Variants in CPNE4 observed in about 807,000 individuals in gnomAD.
CPNE4 encodes the protein copine 4.
A neutral mutation model predicts 67.9 loss-of-function variants in CPNE4; 25 were observed. The ratio of observed to expected loss-of-function variants is 0.37; its 90% CI spans 0.27 to 0.51. The LOEUF (loss-of-function observed/expected upper bound fraction) is 0.51. Among genes scored for constraint, CPNE4 ranks in the 20% least tolerant of loss-of-function variants. CPNE4 has a pLI of 0.93. For synonymous variants in CPNE4, 242 were observed against 244.9 expected (o/e 0.99, Z 0.11); for missense variants, 464 against 690.8 (o/e 0.67, Z 3.68).
At chr3:131,727,349 C>A (rs1560192151) in intron 2 of CPNE4, among the ~76,000 whole-genome samples, 1 of 152,036 alleles carries the variant, frequency 6.6e-6, no homozygotes, top group Non-Finnish European at 1.5e-5. Flanking sequence ...AATCCCAGCA[C>A]TTTTGGAGGC....
At chr3:131,718,866 C>A (rs758968071) in intron 3 of CPNE4, among the ~76,000 whole-genome samples, 5 of 152,134 alleles carry the variant, frequency 3.3e-5, no homozygotes, top group Non-Finnish European at 7.4e-5. Flanking sequence ...GCTTGGCATG[C>A]AATTGCTATG....
In CPNE4 at chr3:131,708,995, T is replaced by TATATATATAC. The variant is rs1366246304; in HGVS notation, c.361-9016_361-9015insGTATATATAT. Among the ~76,000 whole-genome samples, 1,072 of 108,930 alleles carry TATATATATAC rather than the reference T, an allele frequency of 9.8e-3. 38 individuals are homozygous for TATATATATAC. Among genetic ancestry groups the TATATATATAC allele is most frequent in the Non-Finnish European group, 0.014 (786 of 54,312 alleles). 71.5% of individuals were successfully genotyped at this position (108,930 alleles called of 152,430 possible). ...ATATATATATATATATATATATATATACATACACACATAATAATATAATAC... is the reference window on the plus strand; with the variant it reads ...ATATATATATATATATATATATATATATATATATACACATACACACATAATAATATAATAC... On this transcript the variant is annotated intron_variant, in intron 3 of 15. Transcript: ENST00000429747.
chr3:131,608,205 T>C (rs567925039), intron 7 of CPNE4, among the ~76,000 whole-genome samples: 2 of 152,266 alleles, frequency 1.3e-5, no homozygotes, highest in East Asian at 3.9e-4. Flanking sequence ...ACCGGTAATA[T>C]GGAAATGAAA....
chr3:131,564,125 C>T (rs901756822), intron 11 of CPNE4, 91 bp downstream of exon 11: 43 of 1,505,408 alleles, frequency 2.9e-5, no homozygotes, highest in Middle Eastern at 3.6e-4. Flanking sequence ...AGCTACTAGA[C>T]TTAATTTCCA....
intron 1 of CPNE4, among the ~76,000 whole-genome samples, chr3:132,015,271 C>A (rs925650434): frequency 6.6e-6 from 1 of 152,074 alleles, no homozygotes; most frequent in Non-Finnish European, 1.5e-5. Context: ...ATTTATAACA[C>A]AGAGAGTTAA....
At chr3:131,544,316 G>A (rs549232086) in intron 14 of CPNE4, among the ~76,000 whole-genome samples, 1 of 152,150 alleles carries the variant, frequency 6.6e-6, no homozygotes, top group African/African-American at 2.4e-5. Flanking sequence ...AAATAGTTTG[G>A]TAGTACTAAA....
intron 1 of CPNE4, among the ~76,000 whole-genome samples, chr3:131,932,777 G>A (rs1041730606): frequency 6.6e-6 from 1 of 151,918 alleles, no homozygotes; most frequent in Non-Finnish European, 1.5e-5. Context: ...GCATGCACTG[G>A]GAGGCCAAGG....
chr3:131,571,127 C>A (rs1260003246), intron 10 of CPNE4, among the ~76,000 whole-genome samples: 1 of 152,028 alleles, frequency 6.6e-6, no homozygotes, highest in East Asian at 1.9e-4. Context: ...TGTTGTTCTT[C>A]ACCCTCTGAC....
intron 2 of CPNE4, among the ~76,000 whole-genome samples, chr3:131,874,406 A>G (rs1490887398): frequency 6.6e-6 from 1 of 152,058 alleles, no homozygotes; most frequent in Non-Finnish European, 1.5e-5. Context: ...TTCTTTGACA[A>G]ATATTTAGTG....
chr3:131,864,761 G>A (rs1161062808), intron 2 of CPNE4, among the ~76,000 whole-genome samples: 2 of 152,030 alleles, frequency 1.3e-5, no homozygotes, highest in African/African-American at 4.8e-5. Context: ...GGAGTGGTGA[G>A]AGGGGGCATC....
At chr3:131,557,118 C>T (rs1172144050) in intron 11 of CPNE4, among the ~76,000 whole-genome samples, 3 of 152,084 alleles carry the variant, frequency 2.0e-5, no homozygotes, top group South Asian at 2.1e-4. Flanking sequence ...AGTAATCTGG[C>T]CCCCTGCCTA....
intron 13 of CPNE4, among the ~76,000 whole-genome samples, chr3:131,552,147 C>A (rs1936215758): frequency 1.3e-5 from 2 of 150,870 alleles, no homozygotes; most frequent in South Asian, 4.2e-4. Context: ...GGTGAAGTTT[C>A]ATTTATTATT....
intron 1 of CPNE4, among the ~76,000 whole-genome samples, chr3:131,960,120 T>TGGAGAGGGAGGGAGGAGAGGGAGGGG (rs2072122858): frequency 6.8e-6 from 1 of 147,364 alleles, no homozygotes; most frequent in African/African-American, 2.5e-5. Context: ...AGAGAAAGAG[T>TGGAGAGGGAGGGAGGAGAGGGAGGGG]GGAGAGGGAG....
At chr3:131,954,553 A>G (rs2107899935) in intron 1 of CPNE4, among the ~76,000 whole-genome samples, 1 of 152,268 alleles carries the variant, frequency 6.6e-6, no homozygotes, top group South Asian at 2.1e-4. Flanking sequence ...ACGTGCAGGT[A>G]TATTACATAT....
At chr3:131,554,643 A>G (rs1936364390) in intron 12 of CPNE4, among the ~76,000 whole-genome samples, 2 of 152,092 alleles carry the variant, frequency 1.3e-5, no homozygotes, top group Admixed American at 6.6e-5. Context: ...CTAAGGGGAA[A>G]GCCCTTTATA....
chr3:131,967,459 T>C (rs991237139), intron 1 of CPNE4, among the ~76,000 whole-genome samples: 9 of 152,206 alleles, frequency 5.9e-5, no homozygotes, highest in Non-Finnish European at 1.3e-4. Context: ...GACATGATTG[T>C]GTATTTAGAA....
At chr3:131,560,484 C>T (rs1582797992) in intron 11 of CPNE4, among the ~76,000 whole-genome samples, 1 of 152,106 alleles carries the variant, frequency 6.6e-6, no homozygotes, top group African/African-American at 2.4e-5. Context: ...TTATCATCCC[C>T]AGGACTCCCT....
intron 2 of CPNE4, among the ~76,000 whole-genome samples, chr3:131,858,411 C>A (rs777925330): frequency 7.9e-5 from 12 of 152,086 alleles, no homozygotes; most frequent in Non-Finnish European, 1.5e-4. Flanking sequence ...CAGAGAAGCA[C>A]AGATCATCTA....
rs377712359 is a variant in CPNE4, at chr3:131,992,271, C to T, written c.-2+42296G>A. Among the ~76,000 whole-genome samples, 9 of 136,962 alleles carry T rather than the reference C, an allele frequency of 6.6e-5. 2 individuals carry two copies. Among genetic ancestry groups the T allele is most frequent in the African/African-American group, 2.2e-4 (9 of 40,922 alleles). The allele number at this position is 136,962 out of a possible 152,430, so 89.9% of individuals were successfully genotyped here. On this transcript the variant is annotated intron_variant, in intron 1 of 15. Coordinates refer to ENST00000429747, the MANE Select transcript of CPNE4 (RefSeq NM_130808.3). ...GCAGCTGGAAGGGAGCTGTACCCTG[C>T]AAAGCCACAGGGACAGAGCTTCCCA...
Sources: allele counts gnomAD v4.1 joint callset (sites outside exome capture counted in the v4.1 genomes callset), GRCh38; gene constraint gnomAD v4.1.1; transcripts MANE v1.5; gene names NCBI Gene and HGNC (gene_info 2026-07-23, HGNC 2026-07-21).